Variants in RCAN2 observed in about 807,000 individuals in gnomAD.
RCAN2 encodes the protein regulator of calcineurin 2, also known as calcipressin-2.
RCAN2 carries 9 observed loss-of-function variants against 23.6 expected under a neutral mutation model. The ratio of observed to expected loss-of-function variants is 0.38; its 90% CI spans 0.23 to 0.67. RCAN2 has a LOEUF of 0.67. Among genes scored for constraint, RCAN2 ranks in the 30% least tolerant of loss-of-function variants. The pLI, the probability that RCAN2 is intolerant of heterozygous loss-of-function variation, is 0.51. For synonymous variants in RCAN2, 109 were observed against 115.7 expected (o/e 0.94, Z 0.37); for missense variants, 273 against 302.3 (o/e 0.90, Z 0.72).
chr6:46,294,149 A>C (rs994513259), intron 2 of RCAN2, among the ~76,000 whole-genome samples: 1 of 152,128 alleles, frequency 6.6e-6, no homozygotes, highest in African/African-American at 2.4e-5. Flanking sequence ...CATACAAACT[A>C]ATAATAACAG....
At chr6:46,330,247 A>T (rs561756351) in intron 2 of RCAN2, among the ~76,000 whole-genome samples, 2 of 152,168 alleles carry the variant, frequency 1.3e-5, no homozygotes, top group South Asian at 4.2e-4. Flanking sequence ...AGCTTATTAG[A>T]AGGGCAGATT....
At chr6:46,226,469 G>A (rs971002455) in intron 4 of RCAN2, among the ~76,000 whole-genome samples, 5 of 152,104 alleles carry the variant, frequency 3.3e-5, no homozygotes, top group African/African-American at 1.2e-4. Context: ...ATTGAGCAGT[G>A]GTTTGTAGTT....
intron 2 of RCAN2, among the ~76,000 whole-genome samples, chr6:46,255,670 G>A (rs111897794): frequency 5.9e-5 from 9 of 152,224 alleles, no homozygotes; most frequent in Non-Finnish European, 1.3e-4. Context: ...CACCGACTCA[G>A]GAGGACAACA....
At chr6:46,449,714 C>T (rs1767818500) in intron 2 of RCAN2, among the ~76,000 whole-genome samples, 1 of 151,714 alleles carries the variant, frequency 6.6e-6, no homozygotes, top group Non-Finnish European at 1.5e-5. Context: ...CAAGAACACA[C>T]AACGAAGAAA....
At chr6:46,346,822 A>G (rs1457290358) in intron 2 of RCAN2, among the ~76,000 whole-genome samples, 2 of 151,802 alleles carry the variant, frequency 1.3e-5, no homozygotes, top group Non-Finnish European at 1.5e-5. Context: ...TAATAACAGT[A>G]GGGAGAAAAA....
chr6:46,352,227 CT>C (rs746103925), intron 2 of RCAN2, among the ~76,000 whole-genome samples: 23 of 152,146 alleles, frequency 1.5e-4, no homozygotes, highest in South Asian at 4.1e-4. Flanking sequence ...ATATTGTTGT[CT>C]TAATCCAGTT....
chr6:46,227,436 G>A (rs1299927944), intron 4 of RCAN2, among the ~76,000 whole-genome samples: 1 of 152,074 alleles, frequency 6.6e-6, no homozygotes, highest in Admixed American at 6.6e-5. Context: ...TGGTTCGTAG[G>A]CTATCAATTA....
intron 2 of RCAN2, among the ~76,000 whole-genome samples, chr6:46,434,026 A>G (rs1458457004): frequency 6.6e-6 from 1 of 152,214 alleles, no homozygotes; most frequent in Non-Finnish European, 1.5e-5. Context: ...ACCTGGCACA[A>G]GACTTTCATG....
At chr6:46,369,662 G>T (rs539815215) in intron 2 of RCAN2, among the ~76,000 whole-genome samples, 1 of 152,110 alleles carries the variant, frequency 6.6e-6, no homozygotes, top group African/African-American at 2.4e-5. Flanking sequence ...GCAATTTCAC[G>T]TATATGTTTA....
chr6:46,277,782 A>C (rs367958143), intron 2 of RCAN2, among the ~76,000 whole-genome samples: 4 of 152,154 alleles, frequency 2.6e-5, no homozygotes, highest in South Asian at 4.2e-4. Flanking sequence ...TTGAATATTT[A>C]ATCTATTTCT....
At chr6:46,327,998 C>A (rs938838485) in intron 2 of RCAN2, among the ~76,000 whole-genome samples, 3 of 152,186 alleles carry the variant, frequency 2.0e-5, no homozygotes, top group Non-Finnish European at 2.9e-5. Flanking sequence ...AAAGTAGAAG[C>A]AACACATTCT....
At chr6:46,380,217 C>A (rs1353181720) in intron 2 of RCAN2, among the ~76,000 whole-genome samples, 2 of 152,066 alleles carry the variant, frequency 1.3e-5, no homozygotes, top group Admixed American at 1.3e-4. Context: ...CTGGGGAAAC[C>A]CCTATAACAC....
At chr6:46,383,633 A>C (rs148448593) in intron 2 of RCAN2, among the ~76,000 whole-genome samples, 35 of 152,296 alleles carry the variant, frequency 2.3e-4, no homozygotes, top group African/African-American at 7.5e-4. Flanking sequence ...CTTTATTTAA[A>C]TTTAAATTAA....
At chr6:46,452,160 T>C (rs1767900049) in intron 2 of RCAN2, among the ~76,000 whole-genome samples, 1 of 152,178 alleles carries the variant, frequency 6.6e-6, no homozygotes, top group Non-Finnish European at 1.5e-5. Context: ...CAGGAGGCAG[T>C]AGTGCATAAT....
chr6:46,417,359 C>A (rs866780347), intron 2 of RCAN2, among the ~76,000 whole-genome samples: 4 of 152,208 alleles, frequency 2.6e-5, no homozygotes, highest in Non-Finnish European at 5.9e-5. Flanking sequence ...AGAGCTCTCA[C>A]GTAAGATTTA....
rs1430234404 is a variant in RCAN2, at chr6:46,246,790, G to A, written c.529C>T (p.Leu177Phe). Residue 177 changes from leucine (L) to phenylalanine (F), a missense_variant, in exon 4 of 5, where the codon CTC becomes TTC. By Grantham distance (22) the Leu-to-Phe change is conservative. Transcript: ENST00000371374. Reference protein sequence around the residue: ...WQPINDATPVLNYDLLYAVAK... With the variant: ...WQPINDATPVFNYDLLYAVAK... ...ACAGCATAGAGGAGGTCATAGTTGA[G>A]GACTGGCGTGGCATCGTTGATGGGC... 3 of 1,613,630 alleles carry A rather than the reference G, an allele frequency of 1.9e-6. No individual in the cohort carries two copies. Among genetic ancestry groups the A allele is most frequent in the Non-Finnish European group, 2.5e-6 (3 of 1,179,858 alleles).
chr6:46,465,606 A>G (rs1768354912), intron 1 of RCAN2, among the ~76,000 whole-genome samples: 1 of 152,190 alleles, frequency 6.6e-6, no homozygotes, highest in African/African-American at 2.4e-5. Context: ...GATGTAGTCA[A>G]TCTACAGTAG....
chr6:46,248,963 G>A, intron 2 of RCAN2, 67 bp from the exon 3 acceptor site: 5 of 1,121,718 alleles, frequency 4.5e-6, no homozygotes, highest in South Asian at 1.8e-5. Context: ...TGTCATATCT[G>A]ATAAAAACAA....
intron 2 of RCAN2, among the ~76,000 whole-genome samples, chr6:46,400,414 C>G (rs2150402545): frequency 6.6e-6 from 1 of 152,330 alleles, no homozygotes; most frequent in African/African-American, 2.4e-5. Context: ...ATCAATCTCT[C>G]TCATTAGTTC....
Sources: gnomAD v4.1 joint callset for allele counts (sites outside exome capture counted in the v4.1 genomes callset) on GRCh38, gnomAD v4.1.1 for gene constraint, MANE v1.5 for transcripts, NCBI Gene and HGNC (gene_info 2026-07-23, HGNC 2026-07-21) for gene names.